Variants in DGKB observed in about 807,000 individuals in gnomAD.
DGKB encodes the protein diacylglycerol kinase beta.
A neutral mutation model predicts 114.3 loss-of-function variants in DGKB; 67 were observed. The ratio of observed to expected loss-of-function variants is 0.59; its 90% confidence interval spans 0.48 to 0.72. DGKB has a LOEUF of 0.72. DGKB is among the 30% of genes least tolerant of loss of function. DGKB has a pLI of 0.00. For synonymous variants in DGKB, 398 were observed against 323.1 expected (o/e 1.23, Z -2.49); for missense variants, 907 against 975.2 (o/e 0.93, Z 0.93).
intron 12 of DGKB, among the ~76,000 whole-genome samples, chr7:14,676,914 C>T (rs774297255): frequency 2.6e-5 from 4 of 151,698 alleles, no homozygotes; most frequent in Admixed American, 1.3e-4. Context: ...TTTTTTCAAG[C>T]CAAGGCATAG....
intron 23 of DGKB, among the ~76,000 whole-genome samples, chr7:14,321,675 A>C (rs1807841607): frequency 6.6e-6 from 1 of 152,060 alleles, no homozygotes; most frequent in Admixed American, 6.6e-5. Flanking sequence ...TATTGATGGC[A>C]TGATATTTAT....
intron 13 of DGKB, among the ~76,000 whole-genome samples, chr7:14,642,011 G>C (rs982879130): frequency 7.2e-5 from 11 of 151,962 alleles, no homozygotes; most frequent in Non-Finnish European, 1.2e-4. Context: ...TTGTCTGTCT[G>C]TTTTGCTTAG....
intron 2 of DGKB, among the ~76,000 whole-genome samples, chr7:14,780,025 A>G (rs951379853): frequency 5.9e-5 from 9 of 151,956 alleles, no homozygotes; most frequent in Non-Finnish European, 1.0e-4. Flanking sequence ...TGCTGGGTGC[A>G]TGGCCAGTTA....
At chr7:14,849,577 T>A (rs1322580879) in intron 1 of DGKB, among the ~76,000 whole-genome samples, 1 of 152,202 alleles carries the variant, frequency 6.6e-6, no homozygotes, top group African/African-American at 2.4e-5. Flanking sequence ...CTCTTTATTA[T>A]AAATTACCCA....
In DGKB at chr7:14,537,807, G is replaced by A. The variant is rs544572804; in HGVS notation, c.1770+36405C>T. On this transcript the variant is annotated intron_variant, in intron 20 of 25. Transcript: ENST00000402815. ...ATAAATACGTGGGACTGGGCTGGGCGCGGTGGCTCACGCCTGTAATCCCAG... is the reference window on the plus strand; with the variant it reads ...ATAAATACGTGGGACTGGGCTGGGCACGGTGGCTCACGCCTGTAATCCCAG... Among the ~76,000 whole-genome samples the A allele has an allele frequency of 8.5e-5, 13 of 152,236 alleles. No individual in the cohort carries two copies. In the East Asian group the frequency reaches 1.2e-3, roughly 14 times the overall value.
intron 1 of DGKB, among the ~76,000 whole-genome samples, chr7:14,966,310 A>G (rs1406002834): frequency 2.6e-5 from 4 of 152,094 alleles, no homozygotes; most frequent in Non-Finnish European, 5.9e-5. Flanking sequence ...AAGACATAAT[A>G]AAAACTTACT....
At chr7:14,850,819 T>A (rs116970869) in intron 1 of DGKB, among the ~76,000 whole-genome samples, 1,557 of 152,296 alleles carry the variant, frequency 0.01, 28 homozygotes, top group Middle Eastern at 0.034. Context: ...ATTTATAGAC[T>A]AAGGAATCTA....
chr7:14,564,890 T>G (rs1797170405), intron 20 of DGKB, among the ~76,000 whole-genome samples: 1 of 152,136 alleles, frequency 6.6e-6, no homozygotes, highest in Admixed American at 6.6e-5. Flanking sequence ...CCTCAAGGCT[T>G]TATCCTAAAG....
At chr7:14,576,244 T>C (rs1298213331) in intron 19 of DGKB, among the ~76,000 whole-genome samples, 2 of 152,154 alleles carry the variant, frequency 1.3e-5, no homozygotes, top group Admixed American at 6.5e-5. Context: ...CTGTACTCAG[T>C]GGCAAAACAC....
intron 20 of DGKB, among the ~76,000 whole-genome samples, chr7:14,506,003 C>A (rs1786989259): frequency 6.6e-6 from 1 of 152,036 alleles, no homozygotes; most frequent in Non-Finnish European, 1.5e-5. Flanking sequence ...TAATACAAAG[C>A]AGGCCTATGG....
At chr7:14,774,116 A>G (rs1837811978) in intron 2 of DGKB, among the ~76,000 whole-genome samples, 1 of 152,182 alleles carries the variant, frequency 6.6e-6, no homozygotes, top group Non-Finnish European at 1.5e-5. Context: ...CAAGTTAAAA[A>G]TCTGTCTGAA....
intron 2 of DGKB, among the ~76,000 whole-genome samples, chr7:14,804,296 A>G (rs1842540602): frequency 6.6e-6 from 1 of 151,980 alleles, no homozygotes; most frequent in African/African-American, 2.4e-5. Context: ...TTTAAAAAAC[A>G]TAGGTAACAT....
At chr7:14,404,967 T>TA (rs1823713142) in intron 21 of DGKB, among the ~76,000 whole-genome samples, 1 of 151,852 alleles carries the variant, frequency 6.6e-6, no homozygotes, top group African/African-American at 2.4e-5. Context: ...GGTAATCTCA[T>TA]ATAGTGCTAC....
chr7:14,177,133 C>T (rs1781872995), intron 24 of DGKB, among the ~76,000 whole-genome samples: 1 of 152,030 alleles, frequency 6.6e-6, no homozygotes, highest in Non-Finnish European at 1.5e-5. Flanking sequence ...TAAAAAAATT[C>T]TGGATGCCAA....
chr7:14,690,732 A>G (rs968748752), intron 9 of DGKB, among the ~76,000 whole-genome samples: 2 of 152,256 alleles, frequency 1.3e-5, no homozygotes, highest in African/African-American at 4.8e-5. Flanking sequence ...CTCTGCAGAC[A>G]GTTTCCAATC....
intron 7 of DGKB, among the ~76,000 whole-genome samples, chr7:14,699,116 C>A (rs1022009073): frequency 7.8e-6 from 1 of 128,164 alleles, no homozygotes; most frequent in Non-Finnish European, 1.6e-5. Flanking sequence ...GAAAGCTATA[C>A]TCCCTCTCTC....
chr7:14,281,717 C>A (rs1338753153), intron 23 of DGKB, among the ~76,000 whole-genome samples: 1 of 152,138 alleles, frequency 6.6e-6, no homozygotes, highest in Non-Finnish European at 1.5e-5. Flanking sequence ...TCACTCAAAA[C>A]CGCTCAACTA....
In DGKB at chr7:14,736,126, G is replaced by C. The variant is rs765853836; in HGVS notation, c.237C>G (p.Phe79Leu). Residue 79 changes from phenylalanine to leucine, a missense_variant, in exon 5 of 26, where the codon TTC becomes TTG. By Grantham distance (22) the Phe-to-Leu change is conservative. Transcript: ENST00000402815. ...TFLEAELPDD[F>L]TAHLFMSFSN... ...TAAATGACATGAAAAGGTGTGCAGT[G>C]AAATCATCAGGAAGCTCGGCTTCCA... 6.2e-7 allele frequency: 1 copy of C among 1,609,378 alleles called. No homozygotes were observed. Among genetic ancestry groups the C allele is most frequent in the South Asian group, 1.1e-5 (1 of 90,492 alleles).
Position 14,685,274 on chromosome 7 carries a change from C to G in DGKB, c.800G>C (p.Gly267Ala). The G allele has an allele frequency of 6.2e-7, 1 of 1,613,648 alleles. No individual in the cohort carries two copies. Among genetic ancestry groups the G allele is most frequent in the East Asian group, 2.2e-5 (1 of 44,874 alleles). ...ACAGCAGAGGCCCTGCTTCCCCACG[C>G]CAATCAGCATGTTCAGGCAAAGGTT... is the stretch of plus-strand genomic sequence containing the variant. ...YCNLCLNMLI[G>A]VGKQGLCCSF... Residue 267 changes from glycine (G) to alanine (A), a missense_variant, in exon 10 of 26, where the codon GGC becomes GCC. Transcript: ENST00000402815.
Sources: gnomAD v4.1 joint callset for allele counts (sites outside exome capture counted in the v4.1 genomes callset) on GRCh38, gnomAD v4.1.1 for gene constraint, MANE v1.5 for transcripts, NCBI Gene and HGNC (gene_info 2026-07-23, HGNC 2026-07-21) for gene names.